BIRC2: variants seen among roughly 807,000 people sequenced by gnomAD.
The protein encoded by BIRC2 is baculoviral IAP repeat containing 2.
In BIRC2, 18 loss-of-function variants were observed where a neutral mutation model predicts 60.9. The observed-to-expected ratio is 0.30, with a 90% CI of 0.20 to 0.44. The LOEUF is 0.44. Among genes scored for constraint, BIRC2 ranks in the 20% least tolerant of loss-of-function variants. The pLI is 1.00. For missense variants in BIRC2, 701 were observed against 728.5 expected, an observed-to-expected ratio of 0.96 and a Z score of 0.43; for synonymous variants, 282 against 247.7, an observed-to-expected ratio of 1.14 and a Z score of -1.30.
rs554107818 is a variant in BIRC2 at position 102,355,266 on chromosome 11, C to T, written c.995+4323C>T. Among the ~76,000 whole-genome samples the T allele has an allele frequency of 1.6e-4, 24 of 152,124 alleles. No homozygotes were observed. In the South Asian group the frequency reaches 4.8e-3, roughly 30 times the overall value. On this transcript the variant is annotated intron_variant, in intron 3 of 8. Coordinates refer to ENST00000227758, the MANE Select transcript of BIRC2 (RefSeq NM_001166.5). ...TTTATGTTTAGTCTTTAATCCATTT[C>T]TAGTTAATTTTTGTAGGTGGTATAA...
Position 102,368,310 on chromosome 11 carries a change from T to A in BIRC2, c.1128T>A (p.Ile376=). ...TGEENADPPI[I]HFGPGESSSE... ...AGCATGTTTCTTTTCAAATAGTTAT[T>A]CATTTTGGACCTGGAGAAAGTTCTT... Residue 376 remains isoleucine, a synonymous_variant, in exon 6 of 9, where the codon ATT becomes ATA. Coordinates refer to ENST00000227758, the MANE Select transcript of BIRC2 (RefSeq NM_001166.5). The A allele has an allele frequency of 6.2e-7, 1 of 1,609,812 alleles. No homozygotes were observed. Among genetic ancestry groups the A allele is most frequent in the Non-Finnish European group, 8.5e-7 (1 of 1,178,212 alleles).
At chr11:102,351,697 AT>A (rs980110358) in intron 3 of BIRC2, among the ~76,000 whole-genome samples, 14 of 150,250 alleles carry the variant, frequency 9.3e-5, no homozygotes, top group Admixed American at 3.3e-4. Flanking sequence ...TTTCTGTACA[AT>A]TTTTTTTTGT....
intron 3 of BIRC2, among the ~76,000 whole-genome samples, chr11:102,352,423 T>G (rs1338743431): frequency 6.6e-6 from 1 of 151,488 alleles, no homozygotes; most frequent in East Asian, 1.9e-4. Context: ...CCTTGTTTGT[T>G]TTTTTGAGGT....
chr11:102,372,616 TGTG>T (rs1248598775), intron 6 of BIRC2, among the ~76,000 whole-genome samples: 8 of 144,886 alleles, frequency 5.5e-5, no homozygotes, highest in African/African-American at 1.8e-4. Flanking sequence ...ATAGGTGTGG[TGTG>T]GTGCTGAAAA....
At chr11:102,364,167 A>ATATATATATATATATATATATATATG in intron 5 of BIRC2, among the ~76,000 whole-genome samples, 1 of 94,180 alleles carries the variant, frequency 1.1e-5, no homozygotes, top group African/African-American at 5.3e-5. Flanking sequence ...ATATATATAT[A>ATATATATATATATATATATATATATG]TATATATACA....
intron 6 of BIRC2, among the ~76,000 whole-genome samples, chr11:102,373,914 C>G (rs1323823928): frequency 1.4e-5 from 2 of 145,100 alleles, no homozygotes; most frequent in Non-Finnish European, 3.0e-5. Flanking sequence ...TCATTTCATT[C>G]ATTTCATCTT....
At chr11:102,355,010 C>T (rs1185672103) in intron 3 of BIRC2, among the ~76,000 whole-genome samples, 4 of 137,750 alleles carry the variant, frequency 2.9e-5, no homozygotes, top group Non-Finnish European at 6.1e-5. Flanking sequence ...GATATTAACT[C>T]CTTATCAAAT....
At chr11:102,373,382 C>G (rs926838441) in intron 6 of BIRC2, among the ~76,000 whole-genome samples, 9 of 151,978 alleles carry the variant, frequency 5.9e-5, no homozygotes, top group Non-Finnish European at 8.8e-5. Flanking sequence ...AAATCTCTCA[C>G]CATTTGCTTG....
rs60766578 is a variant in BIRC2, at chr11:102,353,679, CTTTTTTTTTTTTT to C, written c.995+2748_995+2760del. Reference sequence around the variant, plus strand: ...ATCCATCACCTTATGTAGTAACTTTCTTTTTTTTTTTTTTTTTTTTTTTTGGTGAGAACTCTTA... The same window carrying C: ...ATCCATCACCTTATGTAGTAACTTTCTTTTTTTTTTTGGTGAGAACTCTTA... On this transcript the variant is annotated intron_variant, in intron 3 of 8. Coordinates refer to ENST00000227758, the MANE Select transcript of BIRC2 (RefSeq NM_001166.5). 1.6e-4 allele frequency among the ~76,000 whole-genome samples: 14 copies of C among 86,064 alleles called. No individual in the cohort carries two copies. In the South Asian group the frequency reaches 2.1e-3, roughly 13 times the overall value. 56.5% of individuals were successfully genotyped at this position (86,064 alleles called of 152,430 possible). A position where few individuals can be genotyped will look rare whatever the true frequency, so the allele number is the denominator to read the frequency against.
At chr11:102,359,508 G>A (rs184692896) in intron 3 of BIRC2, among the ~76,000 whole-genome samples, 4 of 152,152 alleles carry the variant, frequency 2.6e-5, no homozygotes, top group Admixed American at 2.6e-4. Flanking sequence ...ACTCTTCAGC[G>A]TTTCTTGTAA....
intron 3 of BIRC2, among the ~76,000 whole-genome samples, chr11:102,360,070 G>A (rs1951468750): frequency 6.6e-6 from 1 of 151,772 alleles, no homozygotes; most frequent in African/African-American, 2.4e-5. Flanking sequence ...AGGTTCAAGT[G>A]ATTCTCCTGC....
intron 6 of BIRC2, among the ~76,000 whole-genome samples, chr11:102,369,915 GTGA>G (rs1951607645): frequency 6.7e-6 from 1 of 149,890 alleles, no homozygotes; most frequent in Non-Finnish European, 1.5e-5. Context: ...CTGATGGCCA[GTGA>G]TGATGAGCAT....
chr11:102,374,743 A>G (rs1286161264), intron 6 of BIRC2, among the ~76,000 whole-genome samples: 1 of 152,232 alleles, frequency 6.6e-6, no homozygotes, highest in Non-Finnish European at 1.5e-5. Context: ...AGCCTGGGCA[A>G]TGGCGGGCGC....
At chr11:102,375,774 C>T (rs1318559716) in intron 6 of BIRC2, among the ~76,000 whole-genome samples, 3 of 137,362 alleles carry the variant, frequency 2.2e-5, no homozygotes, top group Non-Finnish European at 4.7e-5. Context: ...AGCCAGACTC[C>T]ATCTCAAAAA....
chr11:102,377,547 C>T lies in BIRC2; in HGVS notation c.1418C>T (p.Thr473Ile), dbSNP rs781445878. 1 of 1,607,282 alleles carries T rather than the reference C, an allele frequency of 6.2e-7. No homozygotes were observed. The highest frequency in any genetic ancestry group is 1.7e-5 in the Admixed American group (1 of 58,340). The change falls in exon 7 of 9, where the codon ACA becomes ATA. Residue 473 changes from threonine to isoleucine, a missense_variant. Thr to Ile is a moderately conservative substitution (Grantham distance 89, BLOSUM62 -1). Transcript: ENST00000227758. ...KNRMALFQQL[T>I]CVLPILDNLL... Reference sequence around the variant, plus strand: ...AGAATGGCTCTCTTTCAACAATTGACATGTGTGCTTCCTATCCTGGATAAT... The same window carrying T: ...AGAATGGCTCTCTTTCAACAATTGATATGTGTGCTTCCTATCCTGGATAAT...
chr11:102,359,155 A>G (rs376832975), intron 3 of BIRC2, among the ~76,000 whole-genome samples: 2 of 152,186 alleles, frequency 1.3e-5, no homozygotes, highest in African/African-American at 4.8e-5. Context: ...TGAGGTTTAC[A>G]TAGAACATCT....
chr11:102,378,647 T>G lies in BIRC2; in HGVS notation c.*464T>G, dbSNP rs1461940771. ...TTCTCCCCCTAGTTTGTGAGAAACA[T>G]CTCAATAAAGTGCTTTAAAAAGATT... is the stretch of plus-strand genomic sequence containing the variant. On this transcript the variant is annotated 3_prime_UTR_variant, in exon 9 of 9. Transcript: ENST00000227758. The G allele has an allele frequency of 6.6e-6, 1 of 152,386 alleles. No individual in the cohort carries two copies. The highest frequency in any genetic ancestry group is 6.5e-5 in the Admixed American group (1 of 15,276). The allele number at this position is 152,386 out of a possible 1,614,324, so 9.4% of individuals were successfully genotyped here.
In BIRC2 at chr11:102,374,852, T is replaced by C. The variant is rs534559767; in HGVS notation, c.1367-2644T>C. On this transcript the variant is annotated intron_variant, in intron 6 of 8. Coordinates refer to ENST00000227758, the MANE Select transcript of BIRC2 (RefSeq NM_001166.5). ...GGCGTAGGACCCTCCGAGCCAGGTG[T>C]GGGATATAATCTCTTGGTTCGCCGT... 1.0e-3 allele frequency among the ~76,000 whole-genome samples: 155 copies of C among 152,314 alleles called. 1 individual carries two copies. The highest frequency in any genetic ancestry group is 3.3e-3 in the African/African-American group (138 of 41,566).
At chr11:102,377,355 C>A (rs972559929) in intron 6 of BIRC2, 141 bp from the exon 7 acceptor site, 7 of 720,996 alleles carry the variant, frequency 9.7e-6, no homozygotes, top group South Asian at 2.4e-5. Flanking sequence ...AACAAACTTA[C>A]AAATGCAAAC....
Sources: allele counts gnomAD v4.1 joint callset (sites outside exome capture counted in the v4.1 genomes callset), GRCh38; gene constraint gnomAD v4.1.1; transcripts MANE v1.5; gene names NCBI Gene and HGNC (gene_info 2026-07-23, HGNC 2026-07-21).